Variants in RFX7 observed in about 807,000 individuals in gnomAD.
The protein encoded by RFX7 is regulatory factor X7.
Under a neutral mutation model 111.8 loss-of-function variants are expected in RFX7, and 26 were observed. That is an observed-to-expected ratio of 0.23 (90% CI 0.17 to 0.32). The LOEUF is 0.32. Among genes scored for constraint, RFX7 ranks in the 10% least tolerant of loss-of-function variants. RFX7 has a pLI of 1.00. For synonymous variants in RFX7, 624 were observed against 624.4 expected (o/e 1.00, Z 0.01); for missense variants, 1,573 against 1,772.9 (o/e 0.89, Z 2.02).
intron 3 of RFX7, among the ~76,000 whole-genome samples, chr15:56,149,904 G>C (rs2042543587): frequency 6.6e-6 from 1 of 152,182 alleles, no homozygotes; most frequent in African/African-American, 2.4e-5. Context: ...AGGGAGTCAA[G>C]TGGTCTGGCT....
intron 2 of RFX7, among the ~76,000 whole-genome samples, chr15:56,224,900 TTC>T (rs1308482332): frequency 6.6e-6 from 1 of 152,062 alleles, no homozygotes; most frequent in Non-Finnish European, 1.5e-5. Context: ...GGCTAATTTA[TTC>T]TCTCTCTCTG....
intron 3 of RFX7, among the ~76,000 whole-genome samples, chr15:56,156,675 A>G (rs554529735): frequency 2.6e-5 from 4 of 151,066 alleles, no homozygotes; most frequent in African/African-American, 9.9e-5. Flanking sequence ...AACTTATACC[A>G]ATTTATGTTC....
intron 3 of RFX7, among the ~76,000 whole-genome samples, chr15:56,156,480 T>TA (rs1297657076): frequency 6.6e-6 from 1 of 152,098 alleles, no homozygotes; most frequent in African/African-American, 2.4e-5. Flanking sequence ...TCTCTACTGA[T>TA]AGACAATATG....
intron 2 of RFX7, among the ~76,000 whole-genome samples, chr15:56,190,248 C>T (rs113043405): frequency 0.013 from 1,946 of 152,308 alleles, 19 homozygotes; most frequent in Non-Finnish European, 0.019. Flanking sequence ...TCCATTTCCC[C>T]TTTTCAGGAA....
chr15:56,203,718 C>T (rs2141186323), intron 2 of RFX7, among the ~76,000 whole-genome samples: 1 of 152,246 alleles, frequency 6.6e-6, no homozygotes, highest in South Asian at 2.1e-4. Context: ...ACACTCCCAC[C>T]CACACCATGA....
intron 4 of RFX7, among the ~76,000 whole-genome samples, chr15:56,143,354 TAC>T (rs10596362): frequency 0.81 from 121,765 of 149,756 alleles, 50,028 homozygotes; most frequent in Non-Finnish European, 0.87. Flanking sequence ...CATATATACA[TAC>T]ACACACACAC....
At chr15:56,237,673 G>A (rs953206831) in intron 2 of RFX7, among the ~76,000 whole-genome samples, 1 of 152,156 alleles carries the variant, frequency 6.6e-6, no homozygotes. Flanking sequence ...CCTTTCAATG[G>A]AGAGAGCAAA....
chr15:56,227,676 G>C (rs529461607), intron 2 of RFX7, among the ~76,000 whole-genome samples: 2 of 152,046 alleles, frequency 1.3e-5, no homozygotes, highest in African/African-American at 4.8e-5. Context: ...TGACACTGTT[G>C]TTATTCATTT....
At position 56,178,203 on chromosome 15, in the gene RFX7, AC is replaced by A. The variant is rs1567037991; in HGVS notation, c.195+1066del. The stretch of plus-strand genomic sequence containing the variant: ...CACACACACACACACACACACACAC[AC>A]ACACACAACAAAAAGAAGAGTAAAT... On this transcript the variant is annotated intron_variant, in intron 3 of 9. Transcript: ENST00000559447. Among the ~76,000 whole-genome samples the A allele has an allele frequency of 3.9e-4, 58 of 148,884 alleles. 1 individual carries two copies. The South Asian group carries it at 0.012, about 31-fold the overall frequency.
intron 2 of RFX7, among the ~76,000 whole-genome samples, chr15:56,208,700 A>G (rs2043280604): frequency 6.6e-6 from 1 of 152,160 alleles, no homozygotes; most frequent in South Asian, 2.1e-4. Flanking sequence ...ATATAAATAA[A>G]TAGAAATTAT....
intron 5 of RFX7, among the ~76,000 whole-genome samples, chr15:56,128,663 G>C (rs1326432773): frequency 6.6e-6 from 1 of 152,032 alleles, no homozygotes; most frequent in African/African-American, 2.4e-5. Context: ...GGAAGGGGGT[G>C]TCCACTCTTA....
chr15:56,178,994 A>T (rs1217341954), intron 3 of RFX7: 1 of 160,298 alleles, frequency 6.2e-6, no homozygotes, highest in African/African-American at 2.4e-5. Flanking sequence ...TAAATATCCA[A>T]TTTAATTGTT....
At chr15:56,209,248 G>A (rs549200208) in intron 2 of RFX7, among the ~76,000 whole-genome samples, 33 of 151,378 alleles carry the variant, frequency 2.2e-4, no homozygotes, top group African/African-American at 8.0e-4. Context: ...CATAAACCAT[G>A]CAAGAAGGAG....
In RFX7 at chr15:56,095,769, A is replaced by G; in HGVS notation, c.1959T>C (p.Thr653=). 1.2e-6 allele frequency: 2 copies of G among 1,613,806 alleles called. No homozygotes were observed. Among genetic ancestry groups the G allele is most frequent in the Non-Finnish European group, 1.7e-6 (2 of 1,179,864 alleles). Residue 653 remains threonine, a synonymous_variant, in exon 10 of 10, where the codon ACT becomes ACC. Coordinates refer to ENST00000559447, the MANE Select transcript of RFX7 (RefSeq NM_022841.7). ...DSINKDPKLC[T]KSPRKRLSST... The stretch of plus-strand genomic sequence containing the variant: ...AAGACAGTCGTTTTCTTGGGCTTTT[A>G]GTGCATAATTTAGGGTCTTTATTGA...
chr15:56,197,286 T>C (rs1031373903), intron 2 of RFX7, among the ~76,000 whole-genome samples: 5 of 152,172 alleles, frequency 3.3e-5, no homozygotes, highest in Admixed American at 3.3e-4. Flanking sequence ...TGTCAACTAC[T>C]TGAGTTACAT....
In RFX7 at chr15:56,092,889, G is replaced by C; in HGVS notation, c.*456C>G. On this transcript the variant is annotated 3_prime_UTR_variant, in exon 10 of 10. Transcript: ENST00000559447. Reference sequence around the variant, plus strand: ...CAAGCCTAAATATTTATAATAACCTGAATATTATCCCTGTTTCAAGGAAGA... The same window carrying C: ...CAAGCCTAAATATTTATAATAACCTCAATATTATCCCTGTTTCAAGGAAGA... The C allele has an allele frequency of 6.4e-6, 1 of 155,608 alleles. No individual in the cohort carries two copies. The highest frequency in any genetic ancestry group is 2.0e-4 in the South Asian group (1 of 5,048). 9.6% of individuals were successfully genotyped at this position (155,608 alleles called of 1,614,324 possible). A position where few individuals can be genotyped will look rare whatever the true frequency, so the allele number is the denominator to read the frequency against.
At chr15:56,155,425 T>C (rs2042639455) in intron 3 of RFX7, among the ~76,000 whole-genome samples, 1 of 152,156 alleles carries the variant, frequency 6.6e-6, no homozygotes, top group African/African-American at 2.4e-5. Context: ...CACGGAATAC[T>C]ATACAGCCAT....
At position 56,167,741 on chromosome 15, in the gene RFX7, A is replaced by G. The variant is rs2042800130; in HGVS notation, c.195+11529T>C. Among the ~76,000 whole-genome samples the G allele has an allele frequency of 2.0e-5, 3 of 152,228 alleles. No homozygotes were observed. The South Asian group carries it at 6.2e-4, about 32-fold the overall frequency. On this transcript the variant is annotated intron_variant, in intron 3 of 9. Transcript: ENST00000559447. Reference sequence around the variant, plus strand: ...TAAATTTTTTCATAGCTTTAAAACTAGAAAAGTACTTTATATTTTTTACTT... The same window carrying G: ...TAAATTTTTTCATAGCTTTAAAACTGGAAAAGTACTTTATATTTTTTACTT...
At chr15:56,152,297 T>C (rs1243954129) in intron 3 of RFX7, among the ~76,000 whole-genome samples, 1 of 152,118 alleles carries the variant, frequency 6.6e-6, no homozygotes, top group Admixed American at 6.5e-5. Flanking sequence ...GACCACATAA[T>C]TGGAAGTAAA....
Sources: allele counts gnomAD v4.1 joint callset (sites outside exome capture counted in the v4.1 genomes callset), GRCh38; gene constraint gnomAD v4.1.1; transcripts MANE v1.5; gene names NCBI Gene and HGNC (gene_info 2026-07-23, HGNC 2026-07-21).